The following SLC16A10 variants were observed in gnomAD, a reference collection of about 807,000 sequenced individuals.
SLC16A10 encodes the protein monocarboxylate transporter 10.
A neutral mutation model predicts 40.0 loss-of-function variants in SLC16A10; 27 were observed. That is an observed-to-expected ratio of 0.67 (90% CI 0.50 to 0.93). The LOEUF (loss-of-function observed/expected upper bound fraction) is 0.93. Among genes scored for constraint, SLC16A10 ranks in the 40% least tolerant of loss-of-function variants. SLC16A10 has a pLI of 0.00. For missense variants in SLC16A10, 529 were observed against 658.2 expected (o/e 0.80, Z 2.15); for synonymous variants, 213 against 249.8 (o/e 0.85, Z 1.39).
chr6:111,153,676 T>G (rs1279866959), intron 1 of SLC16A10, among the ~76,000 whole-genome samples: 2 of 152,218 alleles, frequency 1.3e-5, no homozygotes, highest in Admixed American at 6.6e-5. Context: ...CAGGGAGCCC[T>G]TAGGCAAATC....
chr6:111,145,148 T>C (rs1469508336), intron 1 of SLC16A10, among the ~76,000 whole-genome samples: 5 of 151,988 alleles, frequency 3.3e-5, no homozygotes, highest in African/African-American at 4.8e-5. Flanking sequence ...ATTTTTAATA[T>C]TTAAAAGAAA....
chr6:111,150,768 G>T (rs1246590869), intron 1 of SLC16A10, among the ~76,000 whole-genome samples: 1 of 152,196 alleles, frequency 6.6e-6, no homozygotes, highest in Non-Finnish European at 1.5e-5. Context: ...AACAGGCTCT[G>T]AGTTGACTCC....
At chr6:111,092,702 A>G (rs922931989) in intron 1 of SLC16A10, among the ~76,000 whole-genome samples, 4 of 152,014 alleles carry the variant, frequency 2.6e-5, no homozygotes, top group Non-Finnish European at 5.9e-5. Context: ...CTGGGGAAGA[A>G]TACAAAGAAA....
rs1229933251 is a variant in SLC16A10 at position 111,100,980 on chromosome 6, CTCTCTCTCTCTCTATA to C, written c.343+12887_343+12902del. On this transcript the variant is annotated intron_variant, in intron 1 of 5. Coordinates refer to ENST00000368851, the MANE Select transcript of SLC16A10 (RefSeq NM_018593.5). ...TCTCCCTCTCTCTCTCTCTCTCTCT[CTCTCTCTCTCTCTATA>C]TATATATATATATATATATATAAAT... 8.8e-4 allele frequency among the ~76,000 whole-genome samples: 106 copies of C among 120,046 alleles called. 2 individuals carry two copies. The highest frequency in any genetic ancestry group is 2.9e-3 in the African/African-American group (79 of 27,390). 78.8% of individuals were successfully genotyped at this position (120,046 alleles called of 152,430 possible). A position where few individuals can be genotyped will look rare whatever the true frequency, so the allele number is the denominator to read the frequency against.
intron 3 of SLC16A10, among the ~76,000 whole-genome samples, chr6:111,185,933 T>G (rs937631502): frequency 6.6e-6 from 1 of 150,650 alleles, no homozygotes; most frequent in Non-Finnish European, 1.5e-5. Flanking sequence ...AGGGTCTCAC[T>G]CTCTTGTCCA....
Position 111,087,648 on chromosome 6 carries a change from C to T in SLC16A10, c.-105C>T. 1.6e-6 allele frequency: 1 copy of T among 639,636 alleles called. No homozygotes were observed. The highest frequency in any genetic ancestry group is 2.2e-6 in the Non-Finnish European group (1 of 463,776). The allele number at this position is 639,636 out of a possible 1,614,324, so 39.6% of individuals were successfully genotyped here. On this transcript the variant is annotated 5_prime_UTR_variant, in exon 1 of 6. Coordinates refer to ENST00000368851, the MANE Select transcript of SLC16A10 (RefSeq NM_018593.5). The stretch of plus-strand genomic sequence containing the variant: ...CCCGCCAGGGGCTCCGCCGCCCTCG[C>T]CTCGGCCTCGTTAGCCCGCCAGGAG...
At chr6:111,191,582 G>A (rs1404094703) in intron 3 of SLC16A10, among the ~76,000 whole-genome samples, 1 of 152,184 alleles carries the variant, frequency 6.6e-6, no homozygotes, top group Non-Finnish European at 1.5e-5. Context: ...CAAGTTCCTT[G>A]AGGAATTGCC....
chr6:111,193,929 A>G (rs1328151939), intron 3 of SLC16A10, among the ~76,000 whole-genome samples: 2 of 152,214 alleles, frequency 1.3e-5, no homozygotes, highest in South Asian at 2.1e-4. Context: ...TCTACAAAAT[A>G]CATTGGTACA....
intron 1 of SLC16A10, among the ~76,000 whole-genome samples, chr6:111,171,920 G>C (rs1007777620): frequency 6.6e-6 from 1 of 151,716 alleles, no homozygotes; most frequent in Non-Finnish European, 1.5e-5. Context: ...CATTTGCATA[G>C]GGCTTAACTT....
intron 3 of SLC16A10, among the ~76,000 whole-genome samples, chr6:111,181,243 G>A (rs913899821): frequency 3.3e-5 from 5 of 150,876 alleles, no homozygotes; most frequent in African/African-American, 7.3e-5. Context: ...AAGTTCTGAA[G>A]TAAGACAGAT....
chr6:111,170,693 C>G (rs1772569965), intron 1 of SLC16A10, among the ~76,000 whole-genome samples: 1 of 152,174 alleles, frequency 6.6e-6, no homozygotes, highest in Non-Finnish European at 1.5e-5. Flanking sequence ...AGGTGATCAG[C>G]CCACCTCGGC....
intron 1 of SLC16A10, among the ~76,000 whole-genome samples, chr6:111,133,794 A>G (rs868654933): frequency 7.9e-5 from 12 of 152,304 alleles, no homozygotes; most frequent in African/African-American, 2.4e-4. Flanking sequence ...GGAGTAAACA[A>G]TGAACCAAAG....
chr6:111,148,019 G>C (rs1772110146), intron 1 of SLC16A10, among the ~76,000 whole-genome samples: 1 of 152,154 alleles, frequency 6.6e-6, no homozygotes, highest in African/African-American at 2.4e-5. Context: ...ACTTTAAATA[G>C]ATGCCTGTTA....
chr6:111,212,675 C>G (rs1773362900), intron 4 of SLC16A10, among the ~76,000 whole-genome samples: 1 of 151,918 alleles, frequency 6.6e-6, no homozygotes, highest in Non-Finnish European at 1.5e-5. Flanking sequence ...CACCTGTAGT[C>G]CCAGCTACTT....
chr6:111,178,632 T>C, intron 3 of SLC16A10: 1 of 212,510 alleles, frequency 4.7e-6, no homozygotes, highest in Non-Finnish European at 9.4e-6. Context: ...GTGTTCATTA[T>C]GTTTCTTCCT....
intron 4 of SLC16A10, among the ~76,000 whole-genome samples, chr6:111,208,081 A>T (rs1378410276): frequency 6.6e-6 from 1 of 151,860 alleles, no homozygotes; most frequent in Non-Finnish European, 1.5e-5. Flanking sequence ...CAATCCTCCC[A>T]CCTCAAACTC....
chr6:111,215,507 C>T (rs1773405978), intron 4 of SLC16A10, among the ~76,000 whole-genome samples: 2 of 151,296 alleles, frequency 1.3e-5, no homozygotes, highest in Non-Finnish European at 2.9e-5. Context: ...TCCTGAAAAC[C>T]TTGTATAATT....
intron 4 of SLC16A10, among the ~76,000 whole-genome samples, chr6:111,216,425 A>G (rs1246974652): frequency 6.6e-6 from 1 of 150,970 alleles, no homozygotes; most frequent in Non-Finnish European, 1.5e-5. Context: ...TTTTTTTGAG[A>G]GGGAGTCTCA....
At chr6:111,119,240 A>G (rs1322456918) in intron 1 of SLC16A10, among the ~76,000 whole-genome samples, 1 of 152,232 alleles carries the variant, frequency 6.6e-6, no homozygotes, top group African/African-American at 2.4e-5. Flanking sequence ...GTCAGACCAT[A>G]TAGAGATGCT....
Sources: allele counts gnomAD v4.1 joint callset (sites outside exome capture counted in the v4.1 genomes callset), GRCh38; gene constraint gnomAD v4.1.1; transcripts MANE v1.5; gene names NCBI Gene and HGNC (gene_info 2026-07-23, HGNC 2026-07-21).